Variants in RGS6 observed in about 807,000 individuals in gnomAD.
RGS6 encodes the protein regulator of G protein signaling 6.
Under a neutral mutation model 78.5 loss-of-function variants are expected in RGS6, and 30 were observed. The observed-to-expected ratio is 0.38, with a 90% CI of 0.29 to 0.52. The LOEUF (loss-of-function observed/expected upper bound fraction) is 0.52. RGS6 is among the 20% of genes least tolerant of loss of function. The pLI is 0.85. For missense variants in RGS6, 495 were observed against 609.7 expected (o/e 0.81, Z 1.98); for synonymous variants, 206 against 206.0 (o/e 1.00, Z 0.00).
intron 2 of RGS6, among the ~76,000 whole-genome samples, chr14:72,331,955 C>T (rs2075140998): frequency 6.6e-6 from 1 of 152,200 alleles, no homozygotes; most frequent in East Asian, 1.9e-4. Flanking sequence ...TTCCTCAGCC[C>T]TGCAAAGAGT....
intron 2 of RGS6, among the ~76,000 whole-genome samples, chr14:72,177,798 T>C (rs2097125953): frequency 6.6e-6 from 1 of 152,214 alleles, no homozygotes; most frequent in South Asian, 2.1e-4. Context: ...ATTCTAGTAA[T>C]AGGAGAAAAT....
At chr14:72,099,409 T>C (rs1250179157) in intron 2 of RGS6, among the ~76,000 whole-genome samples, 4 of 152,130 alleles carry the variant, frequency 2.6e-5, no homozygotes, top group African/African-American at 9.7e-5. Context: ...TCTGCCTGCC[T>C]CGGCCTCCCA....
chr14:72,248,798 T>C (rs1273569655), intron 2 of RGS6, among the ~76,000 whole-genome samples: 1 of 152,218 alleles, frequency 6.6e-6, no homozygotes. Context: ...TGAATCAGAT[T>C]CTGCATTTTA....
intron 2 of RGS6, among the ~76,000 whole-genome samples, chr14:72,137,343 G>A (rs72719847): frequency 0.018 from 2,785 of 152,194 alleles, 32 homozygotes; most frequent in Non-Finnish European, 0.027. Context: ...ATTCTCACCC[G>A]CCATTCTACA....
intron 7 of RGS6, among the ~76,000 whole-genome samples, chr14:72,468,640 T>C (rs1263136612): frequency 6.6e-6 from 1 of 152,138 alleles, no homozygotes; most frequent in Non-Finnish European, 1.5e-5. Context: ...AACATAAACA[T>C]TCTTGTGGCA....
At chr14:72,035,414 TA>T (rs1387731360) in intron 2 of RGS6, among the ~76,000 whole-genome samples, 1 of 152,136 alleles carries the variant, frequency 6.6e-6, no homozygotes, top group African/African-American at 2.4e-5. Flanking sequence ...TATTGGTCTT[TA>T]AAAAAACTCA....
the RGS6 span, chr14:72,619,833 TGAGAGCTC>T: frequency 9.4e-6 from 13 of 1,385,592 alleles, no homozygotes; most frequent in Non-Finnish European, 1.3e-5. Flanking sequence ...TGTACCATAG[TGAGAGCTC>T]AGTAAGTGCT....
At chr14:72,490,653 A>G (rs2096566441) in intron 12 of RGS6, among the ~76,000 whole-genome samples, 1 of 152,210 alleles carries the variant, frequency 6.6e-6, no homozygotes, top group Non-Finnish European at 1.5e-5. Context: ...GATCAGTTAA[A>G]TGACTCAACC....
Position 72,117,695 on chromosome 14 carries a change from C to T in RGS6, c.84+152820C>T, listed in dbSNP as rs560077455. On this transcript the variant is annotated intron_variant, in intron 2 of 17. Transcript: ENST00000553525. ...TTGTGCATGGGTCATGGTGCACGAT[C>T]TACATTTAACTCTGGCTACTCAGGG... is the stretch of plus-strand genomic sequence containing the variant. Among the ~76,000 whole-genome samples, 7 of 152,258 alleles carry T rather than the reference C, an allele frequency of 4.6e-5. No homozygotes were observed. The East Asian group carries it at 1.2e-3, about 25-fold the overall frequency.
chr14:71,889,095 T>A, the RGS6 span, among the ~76,000 whole-genome samples: 1 of 151,750 alleles, frequency 6.6e-6, no homozygotes, highest in East Asian at 1.9e-4. Context: ...ACAGTGTGAG[T>A]AAGGGCCAAA....
At chr14:72,118,137 G>C (rs2095950714) in intron 2 of RGS6, among the ~76,000 whole-genome samples, 1 of 151,408 alleles carries the variant, frequency 6.6e-6, no homozygotes, top group South Asian at 2.1e-4. Context: ...GTGAGTGCTG[G>C]GCCCCACCCT....
chr14:72,342,100 C>T (rs1000310478), intron 2 of RGS6, among the ~76,000 whole-genome samples: 3 of 152,188 alleles, frequency 2.0e-5, no homozygotes, highest in African/African-American at 7.2e-5. Flanking sequence ...CAGCATTTCA[C>T]AGTGCTGGTT....
chr14:72,140,255 C>T (rs917883049), intron 2 of RGS6, among the ~76,000 whole-genome samples: 3 of 150,652 alleles, frequency 2.0e-5, no homozygotes, highest in Non-Finnish European at 4.4e-5. Flanking sequence ...GGCAAGATCT[C>T]CTGTAGGAAG....
chr14:72,116,527 G>T (rs907643299), intron 2 of RGS6, among the ~76,000 whole-genome samples: 1 of 150,760 alleles, frequency 6.6e-6, no homozygotes, highest in East Asian at 1.9e-4. Flanking sequence ...CCCCATCCCC[G>T]CTGCAGTTGA....
At chr14:72,309,419 G>A (rs998866945) in intron 2 of RGS6, among the ~76,000 whole-genome samples, 2 of 152,208 alleles carry the variant, frequency 1.3e-5, no homozygotes, top group Non-Finnish European at 2.9e-5. Flanking sequence ...TTTAATGCAT[G>A]AATGACTAAG....
intron 2 of RGS6, among the ~76,000 whole-genome samples, chr14:72,168,004 A>G (rs2096952756): frequency 6.6e-6 from 1 of 152,212 alleles, no homozygotes; most frequent in Non-Finnish European, 1.5e-5. Context: ...GCTGAGCAGT[A>G]ATTGCGGAGA....
In RGS6 at chr14:72,274,049, G is replaced by A. The variant is rs140608929; in HGVS notation, c.85-78046G>A. Among the ~76,000 whole-genome samples the A allele has an allele frequency of 2.7e-3, 412 of 152,212 alleles. 1 individual carries two copies. Among genetic ancestry groups the A allele is most frequent in the Middle Eastern group, 0.017 (5 of 294 alleles). Reference sequence around the variant, plus strand: ...AACAGTGCTAATTCCAGGCTAGGACGGTCCACAGAGATGGTGGCTGTGCCC... The same window carrying A: ...AACAGTGCTAATTCCAGGCTAGGACAGTCCACAGAGATGGTGGCTGTGCCC... On this transcript the variant is annotated intron_variant, in intron 2 of 17. Transcript: ENST00000553525.
chr14:72,095,362 A>AT (rs893414711), intron 2 of RGS6, among the ~76,000 whole-genome samples: 1 of 152,004 alleles, frequency 6.6e-6, no homozygotes, highest in Admixed American at 6.6e-5. Context: ...TTTCTGCTCT[A>AT]TTTTTTGTAG....
intron 7 of RGS6, among the ~76,000 whole-genome samples, chr14:72,466,377 T>G (rs558966831): frequency 1.3e-5 from 2 of 152,346 alleles, no homozygotes; most frequent in South Asian, 4.1e-4. Context: ...CAATCCCACT[T>G]GTATATACAT....
Sources: allele counts gnomAD v4.1 joint callset (sites outside exome capture counted in the v4.1 genomes callset), GRCh38; gene constraint gnomAD v4.1.1; transcripts MANE v1.5; gene names NCBI Gene and HGNC (gene_info 2026-07-23, HGNC 2026-07-21).